The following RNF6 variants were observed in gnomAD, a reference collection of about 807,000 sequenced individuals.
RNF6 encodes ring finger protein 6, also known as E3 ubiquitin-protein ligase RNF6.
RNF6 carries 21 observed loss-of-function variants against 50.1 expected under a neutral mutation model. The ratio of observed to expected loss-of-function variants is 0.42; its 90% CI spans 0.30 to 0.60. RNF6 has a LOEUF of 0.60. RNF6 is among the 20% of genes least tolerant of loss of function. The pLI, the probability that RNF6 is intolerant of heterozygous loss-of-function variation, is 0.20. For synonymous variants in RNF6, 255 were observed against 291.8 expected, an observed-to-expected ratio of 0.87 and a Z score of 1.29; for missense variants, 698 against 838.2, an observed-to-expected ratio of 0.83 and a Z score of 2.07.
intron 5 of RNF6, among the ~76,000 whole-genome samples, chr13:26,140,050 A>C (rs1870857189): frequency 6.6e-6 from 1 of 152,316 alleles, no homozygotes; most frequent in African/African-American, 2.4e-5. Flanking sequence ...CTGACTTTGC[A>C]AAATATGTCT....
At chr13:26,184,738 T>G (rs1189598055) in intron 5 of RNF6, among the ~76,000 whole-genome samples, 1 of 152,172 alleles carries the variant, frequency 6.6e-6, no homozygotes, top group Non-Finnish European at 1.5e-5. Flanking sequence ...TGTTCTGGCT[T>G]AAAACAATGC....
intron 5 of RNF6, among the ~76,000 whole-genome samples, chr13:26,148,032 G>A (rs1379970355): frequency 2.0e-5 from 3 of 152,198 alleles, no homozygotes; most frequent in Admixed American, 1.3e-4. Flanking sequence ...AAGGAAAGAA[G>A]TTTAATTGAC....
In RNF6 at chr13:26,213,306, A is replaced by G. The variant is rs1648422962; in HGVS notation, c.*518T>C. 6.5e-6 allele frequency: 1 copy of G among 152,784 alleles called. No homozygotes were observed. The highest frequency in any genetic ancestry group is 1.5e-5 in the Non-Finnish European group (1 of 68,164). 9.5% of individuals were successfully genotyped at this position (152,784 alleles called of 1,614,324 possible). ...CTTAAAATTATATACCTATATATAC[A>G]CCTATGGTATGCTGCATATTAAATT... On this transcript the variant is annotated 3_prime_UTR_variant, in exon 5 of 5. Coordinates refer to ENST00000381588, the MANE Select transcript of RNF6 (RefSeq NM_005977.4).
chr13:26,207,557 G>A (rs1167706699), intron 5 of RNF6, among the ~76,000 whole-genome samples: 5 of 152,186 alleles, frequency 3.3e-5, no homozygotes, highest in African/African-American at 1.2e-4. Context: ...TCATTGGGTA[G>A]GAGGAATGAG....
At chr13:26,189,538 T>G (rs1868378753) in intron 5 of RNF6, among the ~76,000 whole-genome samples, 1 of 152,208 alleles carries the variant, frequency 6.6e-6, no homozygotes, top group Non-Finnish European at 1.5e-5. Flanking sequence ...GAAGGGAAAC[T>G]ATTCTCATTT....
chr13:26,167,497 G>A (rs184597492), intron 5 of RNF6, among the ~76,000 whole-genome samples: 225 of 152,188 alleles, frequency 1.5e-3, no homozygotes, highest in Non-Finnish European at 2.4e-3. Context: ...AAACCATAAC[G>A]AGATACCATC....
At chr13:26,155,441 A>G (rs1290104304) in intron 5 of RNF6, among the ~76,000 whole-genome samples, 2 of 152,124 alleles carry the variant, frequency 1.3e-5, no homozygotes, top group African/African-American at 4.8e-5. Context: ...ACGCATCCCA[A>G]ATTATCCCAG....
chr13:26,198,742 A>G (rs1753828134), intron 5 of RNF6, among the ~76,000 whole-genome samples: 1 of 152,016 alleles, frequency 6.6e-6, no homozygotes, highest in Admixed American at 6.6e-5. Context: ...AGAATATAAT[A>G]CGAAATACTT....
At chr13:26,144,472 G>T (rs1265084120) in intron 5 of RNF6, among the ~76,000 whole-genome samples, 2 of 150,320 alleles carry the variant, frequency 1.3e-5, no homozygotes, top group African/African-American at 2.5e-5. Flanking sequence ...TTTCTTCCTA[G>T]TCCCCAGCCA....
intron 5 of RNF6, among the ~76,000 whole-genome samples, chr13:26,165,092 C>T (rs774591053): frequency 4.5e-4 from 68 of 152,162 alleles, no homozygotes; most frequent in Admixed American, 4.6e-4. Context: ...GAGCCAGGTC[C>T]ATGGTTCCTA....
chr13:26,170,499 G>A (rs1458557720), intron 5 of RNF6, among the ~76,000 whole-genome samples: 1 of 152,148 alleles, frequency 6.6e-6, no homozygotes, highest in East Asian at 1.9e-4. Flanking sequence ...CATGCGTGAA[G>A]ATGGAGGAAC....
chr13:26,165,120 G>A (rs543634644), intron 5 of RNF6, among the ~76,000 whole-genome samples: 12 of 152,270 alleles, frequency 7.9e-5, no homozygotes, highest in African/African-American at 2.6e-4. Flanking sequence ...TGCAGCCTAG[G>A]GACTCGGCGC....
chr13:26,162,383 C>T (rs1872254404), intron 5 of RNF6, among the ~76,000 whole-genome samples: 1 of 152,214 alleles, frequency 6.6e-6, no homozygotes. Flanking sequence ...TTGTTTCTGT[C>T]TTCTGCCTCC....
At chr13:26,187,973 A>C (rs1184384623) in intron 5 of RNF6, among the ~76,000 whole-genome samples, 1 of 152,254 alleles carries the variant, frequency 6.6e-6, no homozygotes, top group Admixed American at 6.5e-5. Context: ...GAAGTCAACA[A>C]GTGATCTAAA....
At chr13:26,179,296 A>G (rs945638869) in intron 5 of RNF6, among the ~76,000 whole-genome samples, 1 of 152,198 alleles carries the variant, frequency 6.6e-6, no homozygotes, top group African/African-American at 2.4e-5. Flanking sequence ...AAGAAAATGT[A>G]TTACCCACAG....
At chr13:26,180,849 C>A (rs550310288) in intron 5 of RNF6, among the ~76,000 whole-genome samples, 1 of 152,354 alleles carries the variant, frequency 6.6e-6, no homozygotes, top group Non-Finnish European at 1.5e-5. Context: ...CAATATTCAC[C>A]AATGTGTTGT....
At chr13:26,197,051 T>C (rs1868695379) in intron 5 of RNF6, among the ~76,000 whole-genome samples, 1 of 151,846 alleles carries the variant, frequency 6.6e-6, no homozygotes, top group Non-Finnish European at 1.5e-5. Context: ...GGAAGAGTGA[T>C]AAGTTAAGGA....
chr13:26,174,946 A>C (rs1467088420), intron 5 of RNF6, among the ~76,000 whole-genome samples: 1 of 152,088 alleles, frequency 6.6e-6, no homozygotes, highest in Non-Finnish European at 1.5e-5. Context: ...CACCTCTTTA[A>C]AGGCCCTATT....
intron 5 of RNF6, among the ~76,000 whole-genome samples, chr13:26,203,722 G>T (rs1868981792): frequency 6.6e-6 from 1 of 151,988 alleles, no homozygotes; most frequent in Non-Finnish European, 1.5e-5. Flanking sequence ...AGCACTTTGG[G>T]AGGCCCAGGC....
Sources: gnomAD v4.1 joint callset for allele counts (sites outside exome capture counted in the v4.1 genomes callset) on GRCh38, gnomAD v4.1.1 for gene constraint, MANE v1.5 for transcripts, NCBI Gene and HGNC (gene_info 2026-07-23, HGNC 2026-07-21) for gene names.